Variants in ANKFN1 observed in about 807,000 individuals in gnomAD.
ANKFN1 encodes the protein ankyrin repeat and fibronectin type III domain containing 1, also known as ankyrin repeat and fibronectin type-III domain-containing protein 1.
A neutral mutation model predicts 108.7 loss-of-function variants in ANKFN1; 74 were observed. The ratio of observed to expected loss-of-function variants is 0.68; its 90% confidence interval spans 0.56 to 0.83. ANKFN1 has a LOEUF of 0.83. Ranked by LOEUF, ANKFN1 falls within the 40% of genes least tolerant of loss-of-function variation. The pLI, the probability that ANKFN1 is intolerant of heterozygous loss-of-function variation, is 0.00. For missense variants in ANKFN1, 1,505 were observed against 1,382.3 expected, an observed-to-expected ratio of 1.09 and a Z score of -1.41; for synonymous variants, 547 against 516.2, an observed-to-expected ratio of 1.06 and a Z score of -0.81.
chr17:56,220,735 GA>G (rs148302758), intron 2 of ANKFN1, among the ~76,000 whole-genome samples: 5,095 of 147,446 alleles, frequency 0.035, 337 homozygotes, highest in African/African-American at 0.12. Flanking sequence ...AAGGAAAAGG[GA>G]AAGGGAAGAG....
At chr17:56,335,620 G>C (rs191402645) in intron 4 of ANKFN1, among the ~76,000 whole-genome samples, 1 of 152,302 alleles carries the variant, frequency 6.6e-6, no homozygotes, top group Admixed American at 6.5e-5. Context: ...TTTGGGCTGA[G>C]ATGATGGGGT....
At chr17:56,048,306 T>A (rs1904714776) in intron 4 of ANKFN1, among the ~76,000 whole-genome samples, 1 of 152,212 alleles carries the variant, frequency 6.6e-6, no homozygotes, top group Non-Finnish European at 1.5e-5. Context: ...GCATTTTTAC[T>A]TCCTGGGGGG....
At chr17:56,099,852 T>C (rs972811621) in intron 4 of ANKFN1, among the ~76,000 whole-genome samples, 10 of 152,194 alleles carry the variant, frequency 6.6e-5, no homozygotes, top group African/African-American at 2.4e-4. Flanking sequence ...CGTGCTCAAG[T>C]ACTGGGACTC....
chr17:56,373,146 A>C (rs938298537), intron 7 of ANKFN1, among the ~76,000 whole-genome samples: 2 of 152,186 alleles, frequency 1.3e-5, no homozygotes, highest in Admixed American at 6.5e-5. Context: ...GGATGGTCTG[A>C]TGCCCTAGAT....
intron 4 of ANKFN1, among the ~76,000 whole-genome samples, chr17:56,116,810 C>T (rs1906311279): frequency 6.6e-6 from 1 of 152,046 alleles, no homozygotes; most frequent in Non-Finnish European, 1.5e-5. Flanking sequence ...AAAAAGATTG[C>T]ATTAAGTTAA....
At position 56,511,977 on chromosome 17, in the gene ANKFN1, T is replaced by C. The variant is rs188256227; in HGVS notation, c.*708T>C. ...TCAGCTCTACCTTGCAAAGATAGAATAGGACAGAAAGTAGCCCTTCCTGTA... is the reference window on the plus strand; with the variant it reads ...TCAGCTCTACCTTGCAAAGATAGAACAGGACAGAAAGTAGCCCTTCCTGTA... On this transcript the variant is annotated 3_prime_UTR_variant, in exon 21 of 21. Transcript: ENST00000682825. Among the ~76,000 whole-genome samples, 132 of 152,220 alleles carry C rather than the reference T, an allele frequency of 8.7e-4. No individual in the cohort carries two copies. The highest frequency in any genetic ancestry group is 3.0e-3 in the African/African-American group (126 of 41,532).
chr17:56,103,845 T>C (rs940649470), intron 4 of ANKFN1, among the ~76,000 whole-genome samples: 3 of 152,146 alleles, frequency 2.0e-5, no homozygotes, highest in African/African-American at 7.2e-5. Context: ...CCTGGGGCCT[T>C]GGGGAAATTG....
At chr17:56,474,249 T>C (rs1385825187) in intron 15 of ANKFN1, among the ~76,000 whole-genome samples, 1 of 152,186 alleles carries the variant, frequency 6.6e-6, no homozygotes, top group Non-Finnish European at 1.5e-5. Context: ...CTCCATTATC[T>C]ACAAATCTTC....
chr17:56,346,198 T>C (rs1233494328), intron 4 of ANKFN1, among the ~76,000 whole-genome samples: 2 of 152,088 alleles, frequency 1.3e-5, no homozygotes, highest in African/African-American at 4.8e-5. Context: ...CAGATGGTTG[T>C]AAATGTGTGG....
At chr17:56,105,296 G>T (rs571467781) in intron 4 of ANKFN1, among the ~76,000 whole-genome samples, 4 of 152,148 alleles carry the variant, frequency 2.6e-5, no homozygotes, top group Non-Finnish European at 5.9e-5. Context: ...TGGGCTGAGA[G>T]GACAGGCAGA....
intron 4 of ANKFN1, among the ~76,000 whole-genome samples, chr17:56,329,401 C>T (rs746251465): frequency 2.0e-5 from 3 of 152,130 alleles, no homozygotes; most frequent in East Asian, 1.9e-4. Context: ...GTTAATTCCT[C>T]ATTCATCATT....
At chr17:56,197,122 A>G (rs866404692) in intron 1 of ANKFN1, among the ~76,000 whole-genome samples, 6 of 152,234 alleles carry the variant, frequency 3.9e-5, no homozygotes, top group Non-Finnish European at 7.3e-5. Flanking sequence ...ATTAGGTTTC[A>G]TTTTATGACA....
In ANKFN1 at chr17:56,146,842, A is replaced by T. The variant is rs536479087; in HGVS notation, c.289-81075A>T. On this transcript the variant is annotated intron_variant, in intron 4 of 12. Transcript: ENST00000635860. ...GGTGATTAACTTTCAGCTCCTTGTT[A>T]GTTATGCAAATTTCTACAACCAGCT... Among the ~76,000 whole-genome samples the T allele has an allele frequency of 3.3e-5, 5 of 152,350 alleles. No individual in the cohort carries two copies. In the South Asian group the frequency reaches 1.0e-3, roughly 32 times the overall value.
intron 1 of ANKFN1, among the ~76,000 whole-genome samples, chr17:56,210,668 G>A (rs1376452407): frequency 1.3e-5 from 2 of 152,118 alleles, no homozygotes; most frequent in African/African-American, 2.4e-5. Flanking sequence ...CTGAGATTAG[G>A]TAATTTATAA....
At chr17:56,257,402 G>T (rs972425406) in intron 3 of ANKFN1, among the ~76,000 whole-genome samples, 5 of 152,208 alleles carry the variant, frequency 3.3e-5, no homozygotes, top group African/African-American at 1.2e-4. Flanking sequence ...TATGCATCTG[G>T]TTATTCACTG....
chr17:56,436,493 CT>C lies in ANKFN1; in HGVS notation c.911-3831del, dbSNP rs374494223. ...AAGTCTGTAAACTACCTATATACAA[CT>C]TTCCAAAGAGAACATTCTGAGTTAA... On this transcript the variant is annotated intron_variant, in intron 8 of 20. Transcript: ENST00000682825. Among the ~76,000 whole-genome samples, 115 of 152,264 alleles carry C rather than the reference CT, an allele frequency of 7.6e-4. 4 individuals are homozygous for C. The East Asian group carries it at 9.7e-3, about 13-fold the overall frequency.
At chr17:56,389,165 C>A (rs374518218) in intron 8 of ANKFN1, among the ~76,000 whole-genome samples, 1 of 152,156 alleles carries the variant, frequency 6.6e-6, no homozygotes, top group South Asian at 2.1e-4. Flanking sequence ...ATCCAGATGT[C>A]CTTAAATTGG....
At chr17:56,400,902 A>G (rs2047740851) in intron 8 of ANKFN1, among the ~76,000 whole-genome samples, 1 of 151,898 alleles carries the variant, frequency 6.6e-6, no homozygotes, top group Non-Finnish European at 1.5e-5. Context: ...GGCTGTAAGT[A>G]TTTGGGTTAT....
intron 10 of ANKFN1, among the ~76,000 whole-genome samples, chr17:56,448,133 G>A (rs2049357263): frequency 6.6e-6 from 1 of 152,068 alleles, no homozygotes; most frequent in Non-Finnish European, 1.5e-5. Flanking sequence ...GCTTTTCTGG[G>A]GAAGAATGAC....
Sources: gnomAD v4.1 joint callset for allele counts (sites outside exome capture counted in the v4.1 genomes callset) on GRCh38, gnomAD v4.1.1 for gene constraint, MANE v1.5 for transcripts, NCBI Gene and HGNC (gene_info 2026-07-23, HGNC 2026-07-21) for gene names.